The following ZRANB3 variants were observed in gnomAD, a reference collection of about 807,000 sequenced individuals.
ZRANB3 encodes the protein DNA annealing helicase and endonuclease ZRANB3.
ZRANB3 carries 125 observed loss-of-function variants against 133.8 expected under a neutral mutation model. The ratio of observed to expected loss-of-function variants is 0.93; its 90% CI spans 0.81 to 1.08. ZRANB3 has a LOEUF of 1.08. Ranked by LOEUF, ZRANB3 falls within the 50% of genes least tolerant of loss-of-function variation. ZRANB3 has a pLI of 0.00. For missense variants in ZRANB3, 1,229 were observed against 1,275.5 expected (o/e 0.96, Z 0.56); for synonymous variants, 387 against 432.7 (o/e 0.89, Z 1.31).
rs145239122 is a variant in ZRANB3 at position 135,340,510 on chromosome 2, T to C, written c.677+5040A>G. Among the ~76,000 whole-genome samples, 100 of 152,164 alleles carry C rather than the reference T, an allele frequency of 6.6e-4. 1 individual carries two copies. The East Asian group carries it at 7.1e-3, about 11-fold the overall frequency. ...CAATTTTCTGGATCTACAAGAAAAA[T>C]ATTCTTATTTGAATATATTATATCT... On this transcript the variant is annotated intron_variant, in intron 6 of 20. Coordinates refer to ENST00000264159, the MANE Select transcript of ZRANB3 (RefSeq NM_032143.4).
At chr2:135,429,517 A>G (rs1241479478) in intron 2 of ZRANB3, among the ~76,000 whole-genome samples, 1 of 152,196 alleles carries the variant, frequency 6.6e-6, no homozygotes, top group Non-Finnish European at 1.5e-5. Context: ...CCCTGAACCT[A>G]AAAGTTTAAA....
intron 2 of ZRANB3, among the ~76,000 whole-genome samples, chr2:135,464,807 T>A (rs765520879): frequency 6.6e-6 from 1 of 152,216 alleles, no homozygotes; most frequent in Admixed American, 6.5e-5. Flanking sequence ...TGTCTTTCAT[T>A]TAATATTTTA....
At chr2:135,521,593 A>C (rs1463611830) in intron 1 of ZRANB3, among the ~76,000 whole-genome samples, 1 of 152,176 alleles carries the variant, frequency 6.6e-6, no homozygotes, top group Non-Finnish European at 1.5e-5. Context: ...GTATTGGGTA[A>C]ACAATGATGA....
chr2:135,406,007 C>T (rs1688004388), intron 2 of ZRANB3, among the ~76,000 whole-genome samples: 2 of 152,012 alleles, frequency 1.3e-5, no homozygotes, highest in Non-Finnish European at 2.9e-5. Context: ...ACAAAAAACC[C>T]TTCAAAAAAA....
At chr2:135,384,785 A>C (rs1041033321) in intron 3 of ZRANB3, among the ~76,000 whole-genome samples, 1 of 152,216 alleles carries the variant, frequency 6.6e-6, no homozygotes, top group Non-Finnish European at 1.5e-5. Context: ...CTTTGACAAA[A>C]TTCAACAGCC....
chr2:135,335,895 G>A (rs1044997372), intron 6 of ZRANB3, among the ~76,000 whole-genome samples: 1 of 151,596 alleles, frequency 6.6e-6, no homozygotes, highest in Non-Finnish European at 1.5e-5. Flanking sequence ...TACTTCCAGG[G>A]GGAAAAAAAA....
intron 3 of ZRANB3, among the ~76,000 whole-genome samples, chr2:135,384,294 G>T (rs953721796): frequency 6.6e-6 from 1 of 152,114 alleles, no homozygotes; most frequent in Non-Finnish European, 1.5e-5. Flanking sequence ...ACTAAACCAG[G>T]AAGAAGTTGA....
intron 15 of ZRANB3, among the ~76,000 whole-genome samples, chr2:135,222,291 A>G (rs1283720874): frequency 6.6e-6 from 1 of 151,524 alleles, no homozygotes; most frequent in African/African-American, 2.4e-5. Flanking sequence ...AATCCCAGCT[A>G]TTCGGGAGGC....
At chr2:135,506,386 T>C (rs1437560362) in intron 1 of ZRANB3, among the ~76,000 whole-genome samples, 1 of 151,488 alleles carries the variant, frequency 6.6e-6, no homozygotes, top group Non-Finnish European at 1.5e-5. Flanking sequence ...CAAAACTTCA[T>C]CTCAAAAAAA....
Position 135,209,934 on chromosome 2 carries a change from T to C in ZRANB3, c.2496-956A>G, listed in dbSNP as rs115720837. Among the ~76,000 whole-genome samples the C allele has an allele frequency of 1.3e-3, 201 of 152,300 alleles. 1 individual carries two copies. The highest frequency in any genetic ancestry group is 4.6e-3 in the African/African-American group (193 of 41,574). On this transcript the variant is annotated intron_variant, in intron 17 of 20. Transcript: ENST00000264159. ...ACAGGTTTCCTTTTTTAATAAACTA[T>C]TTTATTAATTTTTGATTAGGTGATA...
intron 14 of ZRANB3, among the ~76,000 whole-genome samples, chr2:135,226,179 T>C (rs921727364): frequency 6.6e-6 from 1 of 152,246 alleles, no homozygotes; most frequent in African/African-American, 2.4e-5. Context: ...TAATTCTTGA[T>C]AGCTATCAGC....
intron 12 of ZRANB3, among the ~76,000 whole-genome samples, chr2:135,247,112 G>A (rs975811896): frequency 2.0e-5 from 3 of 152,156 alleles, no homozygotes; most frequent in East Asian, 1.9e-4. Flanking sequence ...TTACTGCCTC[G>A]TGTCATTTGG....
chr2:135,313,395 C>A, intron 8 of ZRANB3, 94 bp downstream of exon 8: 90 of 664,564 alleles, frequency 1.4e-4, no homozygotes, highest in Middle Eastern at 2.7e-4. Flanking sequence ...CAAAGAAATT[C>A]TGCAATATAT....
chr2:135,330,337 T>C (rs1445146387), intron 6 of ZRANB3, among the ~76,000 whole-genome samples: 1 of 152,218 alleles, frequency 6.6e-6, no homozygotes. Flanking sequence ...ATTGGTTCCG[T>C]TTATGTGATG....
intron 12 of ZRANB3, among the ~76,000 whole-genome samples, chr2:135,246,039 C>CTTTTTTT (rs569950745): frequency 5.0e-5 from 5 of 100,428 alleles, no homozygotes; most frequent in African/African-American, 1.2e-4. Flanking sequence ...TTCTTTCTTT[C>CTTTTTTT]TTTTTTTTTT....
intron 2 of ZRANB3, among the ~76,000 whole-genome samples, chr2:135,487,662 A>G (rs2104801938): frequency 6.6e-6 from 1 of 152,190 alleles, no homozygotes; most frequent in East Asian, 1.9e-4. Flanking sequence ...TCATGAACCA[A>G]CCTCTTTAGC....
At chr2:135,528,418 G>A (rs571212121) in intron 1 of ZRANB3, among the ~76,000 whole-genome samples, 6 of 152,218 alleles carry the variant, frequency 3.9e-5, no homozygotes, top group Admixed American at 1.3e-4. Context: ...AAAGTGCTGG[G>A]ATTACAGGTA....
chr2:135,419,082 C>A (rs894803419), intron 2 of ZRANB3, among the ~76,000 whole-genome samples: 2 of 151,304 alleles, frequency 1.3e-5, no homozygotes, highest in African/African-American at 4.9e-5. Flanking sequence ...GGACTACAGG[C>A]ACCCACCACC....
chr2:135,484,924 T>C (rs1404150970), intron 2 of ZRANB3, among the ~76,000 whole-genome samples: 1 of 151,768 alleles, frequency 6.6e-6, no homozygotes, highest in African/African-American at 2.4e-5. Flanking sequence ...TAGTCCCAGC[T>C]ACTCGGGAGG....
Sources: gnomAD v4.1 joint callset for allele counts (sites outside exome capture counted in the v4.1 genomes callset) on GRCh38, gnomAD v4.1.1 for gene constraint, MANE v1.5 for transcripts, NCBI Gene and HGNC (gene_info 2026-07-23, HGNC 2026-07-21) for gene names.